The following SLC38A11 variants were observed in gnomAD, a reference collection of about 807,000 sequenced individuals.
SLC38A11 encodes putative sodium-coupled neutral amino acid transporter 11.
Under a neutral mutation model 49.4 loss-of-function variants are expected in SLC38A11, and 51 were observed. The observed-to-expected ratio is 1.03, with a 90% CI of 0.83 to 1.30. SLC38A11 has a LOEUF of 1.30. Among genes scored for constraint, SLC38A11 ranks in the 50% most tolerant of loss-of-function variants. The pLI, the probability that SLC38A11 is intolerant of heterozygous loss-of-function variation, is 0.00. For synonymous variants in SLC38A11, 203 were observed against 192.9 expected (o/e 1.05, Z -0.43); for missense variants, 574 against 556.2 (o/e 1.03, Z -0.32).
rs1173724868 is a variant in SLC38A11, at chr2:164,909,207, A to G, written c.964-436T>C. ...TACTGGATGTGTAATATCCTTTACTAACAGGAAATTAATTCTGCATTAACT... is the reference window on the plus strand; with the variant it reads ...TACTGGATGTGTAATATCCTTTACTGACAGGAAATTAATTCTGCATTAACT... On this transcript the variant is annotated intron_variant, in intron 10 of 11. Transcript: ENST00000685975. Among the ~76,000 whole-genome samples, 3 of 152,144 alleles carry G rather than the reference A, an allele frequency of 2.0e-5. No individual in the cohort carries two copies. In the East Asian group the frequency reaches 5.8e-4, roughly 29 times the overall value.
At chr2:164,949,305 G>A (rs913130692) in intron 3 of SLC38A11, among the ~76,000 whole-genome samples, 9 of 152,006 alleles carry the variant, frequency 5.9e-5, no homozygotes, top group Admixed American at 3.9e-4. Context: ...CTGGAGTGGA[G>A]TGGTGAAATC....
At chr2:164,922,952 T>C (rs1397204223) in intron 7 of SLC38A11, among the ~76,000 whole-genome samples, 1 of 151,964 alleles carries the variant, frequency 6.6e-6, no homozygotes, top group East Asian at 1.9e-4. Context: ...TTTGACAAAG[T>C]CGACAAAAAT....
rs768874851 is a variant in SLC38A11 at position 164,937,433 on chromosome 2, T to C, written c.538-4A>G. On this transcript the variant is annotated splice_region_variant and splice_polypyrimidine_tract_variant and intron_variant, in intron 6 of 11. Coordinates refer to ENST00000685975, the MANE Select transcript of SLC38A11 (RefSeq NM_001351537.2). ...AACCTGTAGAGATGAGGGAGACCTG[T>C]AAAAGAAAATACAAGGATATTGCCG... 35 of 1,568,098 alleles carry C rather than the reference T, an allele frequency of 2.2e-5. No homozygotes were observed. Among genetic ancestry groups the C allele is most frequent in the Non-Finnish European group, 2.1e-5 (24 of 1,140,198 alleles).
chr2:164,954,481 GAAAAA>G, intron 2 of SLC38A11, 145 bp downstream of exon 2: 1 of 479,148 alleles, frequency 2.1e-6, no homozygotes, highest in South Asian at 4.6e-5. Context: ...TGTTACACTA[GAAAAA>G]AAGGAAGCCT....
At chr2:164,899,838 T>G (rs1402821627) in intron 11 of SLC38A11, among the ~76,000 whole-genome samples, 1 of 152,036 alleles carries the variant, frequency 6.6e-6, no homozygotes, top group Non-Finnish European at 1.5e-5. Flanking sequence ...GTCCCAAATA[T>G]AATACAATTT....
At chr2:164,901,007 A>C (rs1392633746) in intron 11 of SLC38A11, among the ~76,000 whole-genome samples, 1 of 151,070 alleles carries the variant, frequency 6.6e-6, no homozygotes, top group African/African-American at 2.4e-5. Context: ...GTCCAATTTC[A>C]CTCTTTTGCA....
chr2:164,904,369 G>T (rs544533107), intron 11 of SLC38A11, among the ~76,000 whole-genome samples: 1 of 151,914 alleles, frequency 6.6e-6, no homozygotes, highest in Non-Finnish European at 1.5e-5. Flanking sequence ...GTGTGTGTTT[G>T]CTTTGGAAAA....
rs529050672 is a variant in SLC38A11 at position 164,905,352 on chromosome 2, G to A, written c.1095+3288C>T. ...TCACCATGTTGGCCAAGCAGGTCTT[G>A]AACTCCTGACCTCAGGTGATCCGCC... On this transcript the variant is annotated intron_variant, in intron 11 of 11. Transcript: ENST00000685975. Among the ~76,000 whole-genome samples the A allele has an allele frequency of 2.1e-4, 32 of 152,152 alleles. No homozygotes were observed. The East Asian group carries it at 5.4e-3, about 26-fold the overall frequency.
chr2:164,913,839 G>A (rs950636849), intron 9 of SLC38A11, among the ~76,000 whole-genome samples: 3 of 152,020 alleles, frequency 2.0e-5, no homozygotes, highest in Non-Finnish European at 4.4e-5. Flanking sequence ...TAGTGGCACA[G>A]GCATGTATTA....
At chr2:164,917,355 T>C (rs1347531727) in intron 7 of SLC38A11, among the ~76,000 whole-genome samples, 2 of 152,144 alleles carry the variant, frequency 1.3e-5, no homozygotes, top group African/African-American at 4.8e-5. Flanking sequence ...ATGCATTATA[T>C]CATCCTTTTT....
At chr2:164,917,474 G>T (rs1479835856) in intron 7 of SLC38A11, among the ~76,000 whole-genome samples, 1 of 152,160 alleles carries the variant, frequency 6.6e-6, no homozygotes, top group Non-Finnish European at 1.5e-5. Context: ...CCAGTTTTGG[G>T]AGTGGGAACT....
intron 7 of SLC38A11, among the ~76,000 whole-genome samples, chr2:164,932,940 C>G (rs1046129448): frequency 6.6e-6 from 1 of 152,098 alleles, no homozygotes; most frequent in African/African-American, 2.4e-5. Flanking sequence ...AAATATGTAG[C>G]CTTCCTCTGT....
chr2:164,919,815 T>A (rs1377961834), intron 7 of SLC38A11, among the ~76,000 whole-genome samples: 1 of 152,194 alleles, frequency 6.6e-6, no homozygotes, highest in Non-Finnish European at 1.5e-5. Flanking sequence ...TGTCCACAGT[T>A]GGTTGTGTCT....
At position 164,896,016 on chromosome 2, in the gene SLC38A11, C is replaced by T. The variant is rs1279297950; in HGVS notation, c.*2421G>A. ...TTAAGTGTATTGACAGCTTCAAAAA[C>T]TGGTTTAAAACCTTCAAGTTGCTTT... On this transcript the variant is annotated 3_prime_UTR_variant, in exon 12 of 12. Coordinates refer to ENST00000685975, the MANE Select transcript of SLC38A11 (RefSeq NM_001351537.2). Among the ~76,000 whole-genome samples the T allele has an allele frequency of 6.6e-6, 1 of 152,198 alleles. No homozygotes were observed.
chr2:164,913,456 G>A (rs866783261), intron 9 of SLC38A11, among the ~76,000 whole-genome samples: 6 of 152,150 alleles, frequency 3.9e-5, no homozygotes, highest in African/African-American at 1.4e-4. Context: ...GAAGAATGCA[G>A]TATGCACAAA....
At chr2:164,954,845 A>C in intron 1 of SLC38A11, 100 bp from the exon 2 acceptor site, 1 of 575,730 alleles carries the variant, frequency 1.7e-6, no homozygotes, top group African/African-American at 1.9e-5. Flanking sequence ...TCTAGTAATA[A>C]TAAGTAATGT....
intron 7 of SLC38A11, chr2:164,922,320 C>G (rs1686260451): frequency 6.6e-6 from 1 of 152,150 alleles, no homozygotes; most frequent in Admixed American, 6.5e-5. Context: ...TCAGACACAT[C>G]CGGGAGTTGA....
chr2:164,932,905 G>A (rs1014306497), intron 7 of SLC38A11, among the ~76,000 whole-genome samples: 4 of 152,104 alleles, frequency 2.6e-5, no homozygotes, highest in South Asian at 2.1e-4. Context: ...GCTAATATTC[G>A]TCAGAATGAA....
Position 164,908,626 on chromosome 2 carries a change from T to C in SLC38A11, c.1095+14A>G. 1 of 1,507,232 alleles carries C rather than the reference T, an allele frequency of 6.6e-7. No individual in the cohort carries two copies. The highest frequency in any genetic ancestry group is 8.9e-7 in the Non-Finnish European group (1 of 1,120,506). The allele number at this position is 1,507,232 out of a possible 1,614,324, so 93.4% of individuals were successfully genotyped here. A position where few individuals can be genotyped will look rare whatever the true frequency, so the allele number is the denominator to read the frequency against. On this transcript the variant is annotated intron_variant, in intron 11 of 11. Transcript: ENST00000685975. ...AATTTTAGAGTGAAGGGGTAAATCT[T>C]TGCACGTACTCACATTGAGTTCTAG...
Sources: allele counts gnomAD v4.1 joint callset (sites outside exome capture counted in the v4.1 genomes callset), GRCh38; gene constraint gnomAD v4.1.1; transcripts MANE v1.5; gene names NCBI Gene and HGNC (gene_info 2026-07-23, HGNC 2026-07-21).